The following TBC1D2B variants were observed in gnomAD, a reference collection of about 807,000 sequenced individuals.
TBC1D2B encodes TBC1 domain family, member 2B.
A neutral mutation model predicts 100.8 loss-of-function variants in TBC1D2B; 64 were observed. That is an observed-to-expected ratio of 0.64 (90% confidence interval 0.52 to 0.78). The LOEUF (loss-of-function observed/expected upper bound fraction) is 0.78. Among genes scored for constraint, TBC1D2B ranks in the 30% least tolerant of loss-of-function variants. TBC1D2B has a pLI of 0.00. For synonymous variants in TBC1D2B, 480 were observed against 479.7 expected (o/e 1.00, Z -0.01); for missense variants, 1,052 against 1,218.4 (o/e 0.86, Z 2.03).
intron 12 of TBC1D2B, 33 bp downstream of exon 12, chr15:78,001,586 C>T (rs1163550286): frequency 6.3e-7 from 1 of 1,588,850 alleles, no homozygotes; most frequent in Non-Finnish European, 8.6e-7. Context: ...GCTTCCTGCT[C>T]TCCTTGACAT....
rs78018297 is a variant in TBC1D2B, at chr15:78,056,212, C to T, written c.361-2025G>A. ...AACTTGGTCTTAAAGGGGAAGCAGG[C>T]AGTGGCCAGAGGAAAAGAGATTCCA... is the stretch of plus-strand genomic sequence containing the variant. On this transcript the variant is annotated intron_variant, in intron 1 of 12. Transcript: ENST00000300584. 4.4e-3 allele frequency among the ~76,000 whole-genome samples: 670 copies of T among 152,244 alleles called. 12 individuals carry two copies. The highest frequency in any genetic ancestry group is 0.015 in the African/African-American group (632 of 41,518).
chr15:78,074,773 ACAAT>A (rs763184539), intron 1 of TBC1D2B, among the ~76,000 whole-genome samples: 3 of 152,226 alleles, frequency 2.0e-5, no homozygotes, highest in Admixed American at 6.5e-5. Context: ...CATTCTGAAC[ACAAT>A]CAGTGTGTAA....
intron 1 of TBC1D2B, among the ~76,000 whole-genome samples, chr15:78,072,254 C>T (rs17399424): frequency 0.053 from 8,142 of 152,290 alleles, 281 homozygotes; most frequent in Middle Eastern, 0.13. Flanking sequence ...AGGATGGAGA[C>T]TCCCCTGCAA....
intron 4 of TBC1D2B, among the ~76,000 whole-genome samples, chr15:78,027,006 C>T (rs1164995722): frequency 1.3e-5 from 2 of 151,418 alleles, no homozygotes; most frequent in South Asian, 2.1e-4. Flanking sequence ...ATAGCTTAGG[C>T]CTAGAAGTTC....
intron 1 of TBC1D2B, among the ~76,000 whole-genome samples, chr15:78,056,474 T>G (rs1187323583): frequency 6.6e-6 from 1 of 152,240 alleles, no homozygotes; most frequent in Non-Finnish European, 1.5e-5. Context: ...CCAGAGGCCG[T>G]GAGCCCACTT....
At chr15:78,015,347 C>T (rs1029198870) in intron 8 of TBC1D2B, among the ~76,000 whole-genome samples, 4 of 152,160 alleles carry the variant, frequency 2.6e-5, no homozygotes, top group Non-Finnish European at 5.9e-5. Context: ...GTATATGTTA[C>T]ATAATTCTGT....
intron 6 of TBC1D2B, among the ~76,000 whole-genome samples, chr15:78,019,807 T>C (rs1244394366): frequency 6.6e-6 from 1 of 150,930 alleles, no homozygotes; most frequent in East Asian, 2.0e-4. Context: ...GAGAATCACT[T>C]GACCCCAGGA....
intron 3 of TBC1D2B, 99 bp from the exon 4 acceptor site, chr15:78,030,269 T>G: frequency 9.9e-7 from 1 of 1,013,802 alleles, no homozygotes; most frequent in Non-Finnish European, 1.4e-6. Flanking sequence ...TATCTAATGA[T>G]ACCAAATGTT....
intron 1 of TBC1D2B, among the ~76,000 whole-genome samples, chr15:78,069,926 T>C (rs1856013450): frequency 6.6e-6 from 1 of 152,164 alleles, no homozygotes; most frequent in Admixed American, 6.5e-5. Flanking sequence ...GAGAAATAAA[T>C]TTCTGTTGTT....
In TBC1D2B at chr15:78,030,080, G is replaced by A. The variant is rs79872087; in HGVS notation, c.774C>T (p.Asp258=). ...ACTCCTCTAGGTCCTTAGGGGTTGG[G>A]TCTAAAAGTTCCCACTCTTCATTGG... ...FYTNEEWELL[D]PTPKDLEESI... is the part of the protein sequence containing the mutation. The change falls in exon 4 of 13, where the codon GAC becomes GAT. Residue 258 remains aspartate, a synonymous_variant. Transcript: ENST00000300584. The A allele has an allele frequency of 5.8e-3, 9,358 of 1,613,686 alleles. 486 individuals are homozygous for A. In the African/African-American group the frequency reaches 0.11, roughly 19 times the overall value.
chr15:78,003,344 G>A lies in TBC1D2B; in HGVS notation c.2535C>T (p.Leu845=), dbSNP rs201125348. ...VFVDSVVSDI[L]FKIWDSFLYE... is the part of the protein sequence containing the mutation. ...AAAGGAAAGAGTCCCATATTTTAAA[G>A]AGGATGTCACTAACGACACTATCCA... The change falls in exon 11 of 13, where the codon CTC becomes CTT. Residue 845 remains leucine (L), a synonymous_variant. Transcript: ENST00000300584. The A allele has an allele frequency of 6.2e-7, 1 of 1,613,922 alleles. No individual in the cohort carries two copies. Among genetic ancestry groups the A allele is most frequent in the Non-Finnish European group, 8.5e-7 (1 of 1,179,886 alleles).
intron 2 of TBC1D2B, among the ~76,000 whole-genome samples, chr15:78,051,744 C>G (rs1029019216): frequency 6.6e-6 from 1 of 152,220 alleles, no homozygotes; most frequent in African/African-American, 2.4e-5. Flanking sequence ...CAGATAACAA[C>G]AAGCATGGCT....
At chr15:78,063,799 C>T (rs2073598455) in intron 1 of TBC1D2B, among the ~76,000 whole-genome samples, 1 of 152,108 alleles carries the variant, frequency 6.6e-6, no homozygotes, top group Non-Finnish European at 1.5e-5. Flanking sequence ...CTAAGGACTC[C>T]CTTGTCAGTC....
At chr15:78,057,062 C>T (rs539179170) in intron 1 of TBC1D2B, among the ~76,000 whole-genome samples, 52 of 152,322 alleles carry the variant, frequency 3.4e-4, no homozygotes, top group African/African-American at 1.2e-3. Context: ...CATATCTGAA[C>T]CAACCTCTCC....
chr15:78,016,159 G>A (rs2072368539), intron 8 of TBC1D2B, among the ~76,000 whole-genome samples: 1 of 150,942 alleles, frequency 6.6e-6, no homozygotes. Flanking sequence ...AAAAATATAT[G>A]GGGGGTGTGT....
rs2073844881 is a variant in TBC1D2B at position 78,077,275 on chromosome 15, TG to T, written c.360+17del. 2 of 1,447,786 alleles carry T rather than the reference TG, an allele frequency of 1.4e-6. No homozygotes were observed. Among genetic ancestry groups the T allele is most frequent in the Admixed American group, 2.7e-5 (1 of 37,460 alleles). 89.7% of individuals were successfully genotyped at this position (1,447,786 alleles called of 1,614,324 possible). ...GCCGGCGGAAGCGCGCGGGCGGCTT[TG>T]GGGCGAGCGGTCCCACCTTGAGCAC... On this transcript the variant is annotated intron_variant, in intron 1 of 12. Transcript: ENST00000300584.
chr15:78,066,422 A>G (rs2073658793), intron 1 of TBC1D2B, among the ~76,000 whole-genome samples: 1 of 152,148 alleles, frequency 6.6e-6, no homozygotes, highest in Non-Finnish European at 1.5e-5. Flanking sequence ...TCGGGAGGAG[A>G]GCAGTGTTTC....
chr15:77,996,080 A>T lies in TBC1D2B; in HGVS notation c.*2080T>A, dbSNP rs1474524727. 9.2e-5 allele frequency: 14 copies of T among 151,826 alleles called. No homozygotes were observed. In the Admixed American group the frequency reaches 9.2e-4, roughly 10 times the overall value. 9.4% of individuals were successfully genotyped at this position (151,826 alleles called of 1,614,324 possible). On this transcript the variant is annotated 3_prime_UTR_variant, in exon 13 of 13. Coordinates refer to ENST00000300584, the MANE Select transcript of TBC1D2B (RefSeq NM_144572.2). Reference sequence around the variant, plus strand: ...CACGCATCACTTGATTCCAGGCAGGAGAACCTCTGAGAAAGTGTCCCCAGT... The same window carrying T: ...CACGCATCACTTGATTCCAGGCAGGTGAACCTCTGAGAAAGTGTCCCCAGT...
At chr15:78,042,991 C>T (rs748858291) in intron 3 of TBC1D2B, among the ~76,000 whole-genome samples, 1 of 152,180 alleles carries the variant, frequency 6.6e-6, no homozygotes, top group Non-Finnish European at 1.5e-5. Flanking sequence ...GGAAGGAAGG[C>T]AGGGCCCACT....
Sources: allele counts gnomAD v4.1 joint callset (sites outside exome capture counted in the v4.1 genomes callset), GRCh38; gene constraint gnomAD v4.1.1; transcripts MANE v1.5; gene names NCBI Gene and HGNC (gene_info 2026-07-23, HGNC 2026-07-21).